The following EXOC6B variants were observed in gnomAD, a reference collection of about 807,000 sequenced individuals.
EXOC6B encodes SEC15 homolog B.
EXOC6B carries 54 observed loss-of-function variants against 113.5 expected under a neutral mutation model. The observed-to-expected ratio is 0.48, with a 90% CI of 0.38 to 0.60. The LOEUF is 0.60. Among genes scored for constraint, EXOC6B ranks in the 20% least tolerant of loss-of-function variants. EXOC6B has a pLI of 0.00. For missense variants in EXOC6B, 797 were observed against 977.5 expected, an observed-to-expected ratio of 0.82 and a Z score of 2.46; for synonymous variants, 357 against 339.0, an observed-to-expected ratio of 1.05 and a Z score of -0.58.
intron 1 of EXOC6B, among the ~76,000 whole-genome samples, chr2:72,814,491 C>A (rs936130810): frequency 3.3e-5 from 5 of 152,138 alleles, no homozygotes; most frequent in Non-Finnish European, 7.3e-5. Flanking sequence ...TTAACAGAGT[C>A]CCAGTCCATA....
chr2:72,774,776 A>G (rs1223812573), intron 1 of EXOC6B, among the ~76,000 whole-genome samples: 2 of 152,016 alleles, frequency 1.3e-5, no homozygotes, highest in Non-Finnish European at 2.9e-5. Flanking sequence ...TTAGCATCAG[A>G]CTCCACAGGT....
At chr2:72,700,017 C>G (rs947699201) in intron 6 of EXOC6B, among the ~76,000 whole-genome samples, 93 of 152,146 alleles carry the variant, frequency 6.1e-4, no homozygotes, top group African/African-American at 2.2e-3. Context: ...GTACATCCTC[C>G]TTTATATTTT....
chr2:72,647,267 G>A (rs964948474), intron 6 of EXOC6B, among the ~76,000 whole-genome samples: 7 of 152,066 alleles, frequency 4.6e-5, no homozygotes, highest in Admixed American at 1.3e-4. Flanking sequence ...ACTGCTCAAC[G>A]AGATAAAAGA....
intron 1 of EXOC6B, among the ~76,000 whole-genome samples, chr2:72,781,555 C>T (rs1266251281): frequency 6.6e-6 from 1 of 152,148 alleles, no homozygotes; most frequent in Non-Finnish European, 1.5e-5. Flanking sequence ...AGTGCAAAAG[C>T]CACCATAGAC....
intron 1 of EXOC6B, among the ~76,000 whole-genome samples, chr2:72,754,856 C>T (rs1033633456): frequency 5.3e-5 from 8 of 152,064 alleles, no homozygotes; most frequent in African/African-American, 1.9e-4. Context: ...TGGGCTCAAG[C>T]GATCCTCCCA....
At chr2:72,730,148 A>C (rs1327942349) in intron 5 of EXOC6B, among the ~76,000 whole-genome samples, 1 of 152,202 alleles carries the variant, frequency 6.6e-6, no homozygotes, top group Admixed American at 6.5e-5. Context: ...AACAACATAC[A>C]GAAGAGAAAT....
chr2:72,400,647 TCTCAAAAAAAGACATACGCAGC>T (rs1337823746), intron 18 of EXOC6B, among the ~76,000 whole-genome samples: 1 of 145,564 alleles, frequency 6.9e-6, no homozygotes, highest in Non-Finnish European at 1.5e-5. Context: ...AGCAGACAAT[TCTCAAAAAAAGACATACGCAGC>T]CAAAAAAAAA....
At chr2:72,348,975 A>G (rs1015385290) in intron 19 of EXOC6B, among the ~76,000 whole-genome samples, 2 of 152,144 alleles carry the variant, frequency 1.3e-5, no homozygotes, top group African/African-American at 2.4e-5. Flanking sequence ...TATTTCATAT[A>G]TGGTCTTACA....
intron 5 of EXOC6B, among the ~76,000 whole-genome samples, chr2:72,718,569 T>C (rs1679787407): frequency 6.6e-6 from 1 of 151,886 alleles, no homozygotes. Flanking sequence ...ATAAGAGAAA[T>C]AAAAGGGGCC....
intron 20 of EXOC6B, among the ~76,000 whole-genome samples, chr2:72,322,457 G>A (rs1388999180): frequency 1.3e-5 from 2 of 152,172 alleles, no homozygotes; most frequent in African/African-American, 4.8e-5. Flanking sequence ...CACACAAGAA[G>A]CCTTTTTGGC....
rs369834741 is a variant in EXOC6B at position 72,582,964 on chromosome 2, A to C, written c.670-7296T>G. On this transcript the variant is annotated intron_variant, in intron 6 of 21. Coordinates refer to ENST00000272427, the MANE Select transcript of EXOC6B (RefSeq NM_015189.3). ...AAAATCAACACAAAGAAACTTCTAAATTAATCAAGGAAATGAAGAGAAAGA... is the reference window on the plus strand; with the variant it reads ...AAAATCAACACAAAGAAACTTCTAACTTAATCAAGGAAATGAAGAGAAAGA... Among the ~76,000 whole-genome samples the C allele has an allele frequency of 1.4e-4, 22 of 152,356 alleles. 2 individuals are homozygous for C. Among genetic ancestry groups the C allele is most frequent in the African/African-American group, 4.6e-4 (19 of 41,584 alleles).
At chr2:72,278,299 GT>G (rs1684925291) in intron 20 of EXOC6B, among the ~76,000 whole-genome samples, 1 of 152,140 alleles carries the variant, frequency 6.6e-6, no homozygotes, top group South Asian at 2.1e-4. Flanking sequence ...CTTCAACAAG[GT>G]GACAACCTCC....
At chr2:72,767,115 A>G (rs1453049903) in intron 1 of EXOC6B, among the ~76,000 whole-genome samples, 4 of 152,096 alleles carry the variant, frequency 2.6e-5, no homozygotes, top group Non-Finnish European at 5.9e-5. Context: ...GCCTGGCACT[A>G]TTTTTATGCT....
chr2:72,604,320 G>A (rs1425332875), intron 6 of EXOC6B, among the ~76,000 whole-genome samples: 2 of 152,182 alleles, frequency 1.3e-5, no homozygotes, highest in African/African-American at 2.4e-5. Flanking sequence ...TTTCAGATTC[G>A]TCAAAGATAA....
chr2:72,612,174 C>G (rs1257080820), intron 6 of EXOC6B, among the ~76,000 whole-genome samples: 2 of 152,086 alleles, frequency 1.3e-5, no homozygotes, highest in Middle Eastern at 3.4e-3. Context: ...ACTCGGAAGG[C>G]TGAGGCACGA....
At chr2:72,792,363 G>A (rs1385903764) in intron 1 of EXOC6B, among the ~76,000 whole-genome samples, 1 of 152,150 alleles carries the variant, frequency 6.6e-6, no homozygotes, top group Non-Finnish European at 1.5e-5. Context: ...ACTGAATCTA[G>A]TTTTGGGGTT....
chr2:72,301,199 T>C (rs1331693970), intron 20 of EXOC6B, among the ~76,000 whole-genome samples: 1 of 152,222 alleles, frequency 6.6e-6, no homozygotes, highest in African/African-American at 2.4e-5. Flanking sequence ...AAAGCCTACT[T>C]GATCATGGTG....
rs535050976 is a variant in EXOC6B at position 72,178,979 on chromosome 2, T to A, written c.*356A>T. On this transcript the variant is annotated 3_prime_UTR_variant, in exon 22 of 22. Coordinates refer to ENST00000272427, the MANE Select transcript of EXOC6B (RefSeq NM_015189.3). ...TATCCTTTTGCTTACTCACTCTACC[T>A]CCCAGCGCCAGATACCCACTTTTTA... The A allele has an allele frequency of 1.6e-4, 32 of 203,542 alleles. No individual in the cohort carries two copies. Among genetic ancestry groups the A allele is most frequent in the African/African-American group, 6.5e-4 (28 of 43,046 alleles). 12.6% of individuals were successfully genotyped at this position (203,542 alleles called of 1,614,324 possible).
At chr2:72,618,379 A>G (rs1277986198) in intron 6 of EXOC6B, among the ~76,000 whole-genome samples, 1 of 152,150 alleles carries the variant, frequency 6.6e-6, no homozygotes, top group Non-Finnish European at 1.5e-5. Context: ...CAAAAAAAAG[A>G]AAAGAAAAGA....
Sources: gnomAD v4.1 joint callset for allele counts (sites outside exome capture counted in the v4.1 genomes callset) on GRCh38, gnomAD v4.1.1 for gene constraint, MANE v1.5 for transcripts, NCBI Gene and HGNC (gene_info 2026-07-23, HGNC 2026-07-21) for gene names.